IKZF2: variants seen among roughly 807,000 people sequenced by gnomAD.
IKZF2 encodes zinc finger protein Helios.
IKZF2 carries 15 observed loss-of-function variants against 49.2 expected under a neutral mutation model. That is an observed-to-expected ratio of 0.30 (90% CI 0.20 to 0.47). The LOEUF is 0.47. IKZF2 is among the 20% of genes least tolerant of loss of function. IKZF2 has a pLI of 1.00. For synonymous variants in IKZF2, 227 were observed against 221.4 expected, an observed-to-expected ratio of 1.03 and a Z score of -0.23; for missense variants, 567 against 664.6, an observed-to-expected ratio of 0.85 and a Z score of 1.61.
intron 4 of IKZF2, among the ~76,000 whole-genome samples, chr2:213,063,887 T>C (rs1269034223): frequency 6.6e-6 from 1 of 152,030 alleles, no homozygotes; most frequent in Admixed American, 6.6e-5. Context: ...TGTAAAACTA[T>C]GTCCACCAGT....
intron 4 of IKZF2, among the ~76,000 whole-genome samples, chr2:213,133,141 T>C (rs10497996): frequency 0.44 from 67,331 of 152,114 alleles, 18,385 homozygotes; most frequent in East Asian, 0.91. Flanking sequence ...TTCTTAGTTA[T>C]TATGTAATTC....
chr2:213,051,724 C>T (rs1218643454), intron 5 of IKZF2, among the ~76,000 whole-genome samples: 1 of 151,900 alleles, frequency 6.6e-6, no homozygotes, highest in Non-Finnish European at 1.5e-5. Context: ...GCACTTCTTT[C>T]ACAAATTAAA....
intron 4 of IKZF2, among the ~76,000 whole-genome samples, chr2:213,058,321 A>G (rs1355219556): frequency 1.3e-5 from 2 of 152,068 alleles, no homozygotes; most frequent in Non-Finnish European, 2.9e-5. Context: ...TTCGAGCAGA[A>G]CAGTTTAGGT....
intron 4 of IKZF2, among the ~76,000 whole-genome samples, chr2:213,141,608 T>C (rs1574986740): frequency 6.6e-6 from 1 of 151,902 alleles, no homozygotes; most frequent in African/African-American, 2.4e-5. Context: ...TACTCCTAAA[T>C]CCTATTCATT....
rs1360222458 is a variant in IKZF2, at chr2:213,001,452, A to C, written c.*5908T>G. ...AAAGCAAACATACTATAATAGGATTACATAATCTCTGAAGTAATGTTTTAG... is the reference window on the plus strand; with the variant it reads ...AAAGCAAACATACTATAATAGGATTCCATAATCTCTGAAGTAATGTTTTAG... On this transcript the variant is annotated 3_prime_UTR_variant, in exon 9 of 9. Transcript: ENST00000434687. The C allele has an allele frequency of 2.6e-5, 4 of 151,874 alleles. No individual in the cohort carries two copies. Among genetic ancestry groups the C allele is most frequent in the Non-Finnish European group, 5.9e-5 (4 of 67,580 alleles). The allele number at this position is 151,874 out of a possible 1,614,324, so 9.4% of individuals were successfully genotyped here.
At chr2:213,101,037 A>G (rs1392614972) in intron 4 of IKZF2, among the ~76,000 whole-genome samples, 10 of 151,132 alleles carry the variant, frequency 6.6e-5, no homozygotes, top group Admixed American at 4.0e-4. Context: ...GAGAGAAAGA[A>G]AGAGAGAGAG....
chr2:213,004,250 A>G lies in IKZF2; in HGVS notation c.*3110T>C, dbSNP rs1260659121. 3 of 151,782 alleles carry G rather than the reference A, an allele frequency of 2.0e-5. No individual in the cohort carries two copies. Among genetic ancestry groups the G allele is most frequent in the African/African-American group, 7.3e-5 (3 of 41,372 alleles). 9.4% of individuals were successfully genotyped at this position (151,782 alleles called of 1,614,324 possible). A position where few individuals can be genotyped will look rare whatever the true frequency, so the allele number is the denominator to read the frequency against. Reference sequence around the variant, plus strand: ...GAGATACTTTCTACTACGTAGCCAAATCTAAGTCGTAGTTTCTTATTTTCC... The same window carrying G: ...GAGATACTTTCTACTACGTAGCCAAGTCTAAGTCGTAGTTTCTTATTTTCC... On this transcript the variant is annotated 3_prime_UTR_variant, in exon 9 of 9. Transcript: ENST00000434687.
At chr2:213,129,121 G>T (rs1428867307) in intron 4 of IKZF2, among the ~76,000 whole-genome samples, 1 of 151,810 alleles carries the variant, frequency 6.6e-6, no homozygotes, top group African/African-American at 2.4e-5. Context: ...AAAGAACAAG[G>T]AGTCAGTTCA....
chr2:213,081,290 T>G (rs961265665), intron 4 of IKZF2: 1 of 152,660 alleles, frequency 6.6e-6, no homozygotes, highest in African/African-American at 2.4e-5. Flanking sequence ...AGAATAGGTA[T>G]GTAAGTATGT....
chr2:213,145,493 G>T (rs1262588752), intron 4 of IKZF2, among the ~76,000 whole-genome samples: 1 of 152,044 alleles, frequency 6.6e-6, no homozygotes, highest in Non-Finnish European at 1.5e-5. Flanking sequence ...TGACAGGCCA[G>T]ATGCACACAA....
chr2:213,094,571 G>A (rs1185336043), intron 4 of IKZF2, among the ~76,000 whole-genome samples: 2 of 152,072 alleles, frequency 1.3e-5, no homozygotes, highest in African/African-American at 2.4e-5. Context: ...TGCGCAGGCT[G>A]GGACACAGGC....
At chr2:213,082,491 A>G (rs1283132442) in intron 4 of IKZF2, among the ~76,000 whole-genome samples, 3 of 152,224 alleles carry the variant, frequency 2.0e-5, no homozygotes, top group Admixed American at 1.3e-4. Context: ...AAGAAAAGGT[A>G]CATTTGCACA....
rs1553539345 is a variant in IKZF2, at chr2:213,005,191, T to TTGGGGG, written c.*2168_*2169insCCCCCA. ...CAATTATTATTTGGGAGTGGTTGGGTGGGGGGGGGTGAGCGAGTCTCAAAA... is the reference window on the plus strand; with the variant it reads ...CAATTATTATTTGGGAGTGGTTGGGTTGGGGGGGGGGGGGGTGAGCGAGTCTCAAAA... On this transcript the variant is annotated 3_prime_UTR_variant, in exon 9 of 9. Coordinates refer to ENST00000434687, the MANE Select transcript of IKZF2 (RefSeq NM_001387220.1). 1 of 76,786 alleles carries TTGGGGG rather than the reference T, an allele frequency of 1.3e-5. No individual in the cohort carries two copies. Among genetic ancestry groups the TTGGGGG allele is most frequent in the Admixed American group, 1.8e-4 (1 of 5,524 alleles). 4.8% of individuals were successfully genotyped at this position (76,786 alleles called of 1,614,324 possible). A position where few individuals can be genotyped will look rare whatever the true frequency, so the allele number is the denominator to read the frequency against.
In IKZF2 at chr2:213,004,946, T is replaced by C. The variant is rs1189304987; in HGVS notation, c.*2414A>G. The C allele has an allele frequency of 6.6e-6, 1 of 152,346 alleles. No individual in the cohort carries two copies. The highest frequency in any genetic ancestry group is 1.9e-4 in the East Asian group (1 of 5,156). 9.4% of individuals were successfully genotyped at this position (152,346 alleles called of 1,614,324 possible). A position where few individuals can be genotyped will look rare whatever the true frequency, so the allele number is the denominator to read the frequency against. ...TCATAAGGTTTAGGGTCCACCTAAA[T>C]TTAGTTTCATCCTGGGGCAGGTAGA... On this transcript the variant is annotated 3_prime_UTR_variant, in exon 9 of 9. Transcript: ENST00000434687.
rs1011080655 is a variant in IKZF2 at position 213,150,238 on chromosome 2, C to A, written c.-110G>T. 3.4e-5 allele frequency: 41 copies of A among 1,200,952 alleles called. No individual in the cohort carries two copies. In the South Asian group the frequency reaches 4.8e-4, roughly 14 times the overall value. The allele number at this position is 1,200,952 out of a possible 1,614,324, so 74.4% of individuals were successfully genotyped here. ...TTCTAACCCCTCAAAGAGGAGGTGA[C>A]AATGTCGGGCTGAAGATAAACGGAG... On this transcript the variant is annotated 5_prime_UTR_variant, in exon 2 of 9. Coordinates refer to ENST00000434687, the MANE Select transcript of IKZF2 (RefSeq NM_001387220.1).
chr2:213,077,317 A>G (rs1191378580), intron 4 of IKZF2, among the ~76,000 whole-genome samples: 1 of 152,214 alleles, frequency 6.6e-6, no homozygotes, highest in Admixed American at 6.5e-5. Flanking sequence ...TAGCTCAAGT[A>G]AAATAATACT....
At chr2:213,031,564 G>C (rs1368594062) in intron 6 of IKZF2, among the ~76,000 whole-genome samples, 2 of 152,082 alleles carry the variant, frequency 1.3e-5, no homozygotes, top group African/African-American at 4.8e-5. Flanking sequence ...TAAGTTGTTG[G>C]CATCTACTTT....
At chr2:213,124,235 T>G (rs1452081420) in intron 4 of IKZF2, among the ~76,000 whole-genome samples, 1 of 115,236 alleles carries the variant, frequency 8.7e-6, no homozygotes, top group South Asian at 3.1e-4. Context: ...CACGCACACA[T>G]GCGCTCGCGC....
chr2:213,128,381 A>C (rs2060338113), intron 4 of IKZF2, among the ~76,000 whole-genome samples: 1 of 152,214 alleles, frequency 6.6e-6, no homozygotes, highest in Admixed American at 6.5e-5. Context: ...GAAGGAACTA[A>C]ATTTAGGAAA....
Sources: allele counts gnomAD v4.1 joint callset (sites outside exome capture counted in the v4.1 genomes callset), GRCh38; gene constraint gnomAD v4.1.1; transcripts MANE v1.5; gene names NCBI Gene and HGNC (gene_info 2026-07-23, HGNC 2026-07-21).